STT3B: variants seen among roughly 807,000 people sequenced by gnomAD.
STT3B encodes STT3 oligosaccharyltransferase complex catalytic subunit B, also known as dolichyl-diphosphooligosaccharide--protein glycosyltransferase subunit STT3B.
Under a neutral mutation model 96.8 loss-of-function variants are expected in STT3B, and 29 were observed. That is an observed-to-expected ratio of 0.30 (90% CI 0.22 to 0.41). The LOEUF is 0.41. Among genes scored for constraint, STT3B ranks in the 10% least tolerant of loss-of-function variants. STT3B has a pLI of 1.00. For missense variants in STT3B, 640 were observed against 1,022.3 expected (o/e 0.63, Z 5.10); for synonymous variants, 367 against 360.0 (o/e 1.02, Z -0.22).
chr3:31,636,100 C>G lies in STT3B; in HGVS notation c.*36C>G. Reference sequence around the variant, plus strand: ...CTGGTTCCTAACTTGAAGCAGTTGTCCTTGTGAGAACCGGTCTTTGCCTTT... The same window carrying G: ...CTGGTTCCTAACTTGAAGCAGTTGTGCTTGTGAGAACCGGTCTTTGCCTTT... On this transcript the variant is annotated 3_prime_UTR_variant, in exon 16 of 16. Coordinates refer to ENST00000295770, the MANE Select transcript of STT3B (RefSeq NM_178862.3). 1 of 1,507,708 alleles carries G rather than the reference C, an allele frequency of 6.6e-7. No homozygotes were observed. The highest frequency in any genetic ancestry group is 9.0e-7 in the Non-Finnish European group (1 of 1,106,058). 93.4% of individuals were successfully genotyped at this position (1,507,708 alleles called of 1,614,324 possible).
chr3:31,549,759 T>G (rs1370904495), intron 1 of STT3B, among the ~76,000 whole-genome samples: 8 of 152,160 alleles, frequency 5.3e-5, no homozygotes, highest in South Asian at 2.1e-4. Context: ...ATATAATATT[T>G]ATTGGAGATT....
At chr3:31,629,223 A>G in intron 13 of STT3B, 75 bp from the exon 14 acceptor site, 1 of 826,108 alleles carries the variant, frequency 1.2e-6, no homozygotes, top group Non-Finnish European at 2.0e-6. Context: ...TCTTACAGGG[A>G]AATGAAAAGA....
chr3:31,623,622 T>C, intron 10 of STT3B, 52 bp from the exon 11 acceptor site: 1 of 1,405,478 alleles, frequency 7.1e-7, no homozygotes, highest in South Asian at 1.4e-5. Flanking sequence ...AGTATCTTAA[T>C]GAAGCAAGTC....
chr3:31,617,079 C>T lies in STT3B; in HGVS notation c.1123+4C>T, dbSNP rs368671716. 4.3e-5 allele frequency: 69 copies of T among 1,596,338 alleles called. No individual in the cohort carries two copies. Among genetic ancestry groups the T allele is most frequent in the Non-Finnish European group, 5.1e-5 (59 of 1,168,008 alleles). ...GTCATCTATTTGACTTATACAGGTACGTGTTATCACCTGTAGGGTGTGAAT... is the reference window on the plus strand; with the variant it reads ...GTCATCTATTTGACTTATACAGGTATGTGTTATCACCTGTAGGGTGTGAAT... On this transcript the variant is annotated splice_donor_region_variant and intron_variant, in intron 7 of 15. Transcript: ENST00000295770.
At chr3:31,547,968 TG>T (rs1264103054) in intron 1 of STT3B, among the ~76,000 whole-genome samples, 1 of 152,116 alleles carries the variant, frequency 6.6e-6, no homozygotes, top group Non-Finnish European at 1.5e-5. Context: ...AAAGACAGAG[TG>T]GAAATAATAA....
intron 8 of STT3B, among the ~76,000 whole-genome samples, chr3:31,618,287 T>TTACCTAATA (rs57924710): frequency 6.6e-6 from 1 of 151,600 alleles, no homozygotes; most frequent in Non-Finnish European, 1.5e-5. Context: ...GATTTGTCTT[T>TTACCTAATA]TATAACATTT....
intron 1 of STT3B, among the ~76,000 whole-genome samples, chr3:31,540,702 A>G (rs1317035949): frequency 6.6e-6 from 1 of 152,230 alleles, no homozygotes; most frequent in South Asian, 2.1e-4. Context: ...TATATATACA[A>G]ATACTAATGT....
chr3:31,617,781 C>A (rs998475118), intron 7 of STT3B, among the ~76,000 whole-genome samples, 159 bp from the exon 8 acceptor site: 1 of 152,006 alleles, frequency 6.6e-6, no homozygotes, highest in Admixed American at 6.5e-5. Context: ...TTTTTTCTGA[C>A]TGCCAACTGT....
intron 2 of STT3B, among the ~76,000 whole-genome samples, chr3:31,578,559 T>G (rs988424156): frequency 2.7e-5 from 4 of 148,928 alleles, no homozygotes; most frequent in South Asian, 2.1e-4. Flanking sequence ...ATTCACTTTG[T>G]TTTTTTTTCC....
intron 15 of STT3B, among the ~76,000 whole-genome samples, 193 bp from the exon 16 acceptor site, chr3:31,635,791 A>T (rs779168709): frequency 8.5e-5 from 13 of 152,152 alleles, no homozygotes; most frequent in Non-Finnish European, 1.6e-4. Context: ...TTCACTTTGA[A>T]TGTGTTAGTG....
At chr3:31,627,657 A>G (rs1699565219) in intron 13 of STT3B, among the ~76,000 whole-genome samples, 1 of 152,210 alleles carries the variant, frequency 6.6e-6, no homozygotes. Flanking sequence ...TTCCTGGTCA[A>G]ATGTCAATGC....
At chr3:31,558,873 T>G (rs1575413313) in intron 1 of STT3B, among the ~76,000 whole-genome samples, 1 of 151,912 alleles carries the variant, frequency 6.6e-6, no homozygotes, top group Non-Finnish European at 1.5e-5. Context: ...GTTTTTTTTT[T>G]TTTTAATTTA....
chr3:31,632,234 T>G (rs1301828567), intron 14 of STT3B, among the ~76,000 whole-genome samples: 1 of 152,184 alleles, frequency 6.6e-6, no homozygotes, highest in Non-Finnish European at 1.5e-5. Context: ...CACGGTTTGG[T>G]TTTTTTATTT....
At chr3:31,555,526 C>T (rs1697683479) in intron 1 of STT3B, among the ~76,000 whole-genome samples, 1 of 152,068 alleles carries the variant, frequency 6.6e-6, no homozygotes, top group Non-Finnish European at 1.5e-5. Context: ...ACTCCTGCTT[C>T]TCTGTTTTGG....
chr3:31,592,634 G>C (rs568254936), intron 3 of STT3B, among the ~76,000 whole-genome samples: 1 of 152,018 alleles, frequency 6.6e-6, no homozygotes, highest in Non-Finnish European at 1.5e-5. Context: ...CATCCTAATG[G>C]GTGTGAGGTG....
intron 3 of STT3B, among the ~76,000 whole-genome samples, chr3:31,585,077 T>C (rs1305880853): frequency 6.6e-6 from 1 of 152,162 alleles, no homozygotes; most frequent in African/African-American, 2.4e-5. Context: ...CCAACTCTTT[T>C]AAAAGGTACA....
At chr3:31,625,381 G>A (rs1409196353) in intron 12 of STT3B, among the ~76,000 whole-genome samples, 3 of 152,054 alleles carry the variant, frequency 2.0e-5, no homozygotes, top group Non-Finnish European at 2.9e-5. Flanking sequence ...TGTATTTTTC[G>A]TGTTATAAAC....
At chr3:31,561,614 T>C (rs1697881618) in intron 1 of STT3B, among the ~76,000 whole-genome samples, 1 of 152,062 alleles carries the variant, frequency 6.6e-6, no homozygotes, top group African/African-American at 2.4e-5. Flanking sequence ...ATCTTTCTAC[T>C]CCCTGTGTCC....
At chr3:31,592,154 T>G (rs891572730) in intron 3 of STT3B, among the ~76,000 whole-genome samples, 2 of 152,134 alleles carry the variant, frequency 1.3e-5, no homozygotes, top group African/African-American at 2.4e-5. Context: ...GCACCACCAT[T>G]CAAATTTTTG....
Sources: gnomAD v4.1 joint callset for allele counts (sites outside exome capture counted in the v4.1 genomes callset) on GRCh38, gnomAD v4.1.1 for gene constraint, MANE v1.5 for transcripts, NCBI Gene and HGNC (gene_info 2026-07-23, HGNC 2026-07-21) for gene names.